The following MECOM variants were observed in gnomAD, a reference collection of about 807,000 sequenced individuals.
The protein encoded by MECOM is MDS1 and EVI1 complex locus.
A neutral mutation model predicts 116.3 loss-of-function variants in MECOM; 13 were observed. That is an observed-to-expected ratio of 0.11 (90% confidence interval 0.07 to 0.18). MECOM has a LOEUF of 0.18. Among genes scored for constraint, MECOM ranks in the 10% least tolerant of loss-of-function variants. The pLI is 1.00. For synonymous variants in MECOM, 528 were observed against 535.2 expected, an observed-to-expected ratio of 0.99 and a Z score of 0.19; for missense variants, 1,299 against 1,509.0, an observed-to-expected ratio of 0.86 and a Z score of 2.31.
At chr3:169,122,521 T>A in intron 6 of MECOM, 59 bp downstream of exon 6, 1 of 1,580,906 alleles carries the variant, frequency 6.3e-7, no homozygotes, top group Admixed American at 1.7e-5. Context: ...TAGCAAGTGA[T>A]GGATTAAGAG....
intron 2 of MECOM, among the ~76,000 whole-genome samples, chr3:169,151,736 A>C (rs1422041751): frequency 6.6e-6 from 1 of 152,226 alleles, no homozygotes; most frequent in East Asian, 1.9e-4. Context: ...TCCATGTCAG[A>C]ATAGGATTTT....
rs551669911 is a variant in MECOM at position 169,369,711 on chromosome 3, G to T, written c.375+11476C>A. Among the ~76,000 whole-genome samples, 63 of 151,892 alleles carry T rather than the reference G, an allele frequency of 4.1e-4. 1 individual carries two copies. The highest frequency in any genetic ancestry group is 1.4e-3 in the African/African-American group (60 of 41,468). ...TAATATTTCCTTGGGCACTAATGAC[G>T]TTCAAACTCAGGGTCCCATTAACTA... On this transcript the variant is annotated intron_variant, in intron 2 of 16. Transcript: ENST00000651503.
intron 1 of MECOM, among the ~76,000 whole-genome samples, chr3:169,588,730 C>T (rs1358320254): frequency 2.0e-5 from 3 of 152,090 alleles, no homozygotes; most frequent in South Asian, 2.1e-4. Flanking sequence ...ACACTTCGTA[C>T]GTTTTCCACA....
At chr3:169,460,383 C>A (rs1261888177) in intron 1 of MECOM, among the ~76,000 whole-genome samples, 5 of 151,958 alleles carry the variant, frequency 3.3e-5, no homozygotes, top group Non-Finnish European at 5.9e-5. Context: ...TCAGAACAGA[C>A]CTATTTTTTG....
chr3:169,093,592 G>C (rs977381447), intron 13 of MECOM, among the ~76,000 whole-genome samples: 5 of 152,130 alleles, frequency 3.3e-5, no homozygotes, highest in African/African-American at 1.2e-4. Context: ...CTGGTTTGCT[G>C]GGCGAAGCTG....
rs1161056260 is a variant in MECOM at position 169,594,168 on chromosome 3, A to AC, written c.37+69167_37+69168insG. 2.8e-5 allele frequency among the ~76,000 whole-genome samples: 4 copies of AC among 144,636 alleles called. 1 individual carries two copies. The highest frequency in any genetic ancestry group is 3.9e-4 in the East Asian group (2 of 5,080). The allele number at this position is 144,636 out of a possible 152,430, so 94.9% of individuals were successfully genotyped here. ...CACCACCACCACAAAAAAAAAAAAA[A>AC]AAAAAAAACACCTTTTCACCTAAGT... On this transcript the variant is annotated intron_variant, in intron 1 of 16. Transcript: ENST00000651503.
At chr3:169,297,221 C>G (rs1482787423) in intron 2 of MECOM, among the ~76,000 whole-genome samples, 1 of 152,162 alleles carries the variant, frequency 6.6e-6, no homozygotes, top group African/African-American at 2.4e-5. Flanking sequence ...TACACTGATA[C>G]AAATTAATTA....
intron 2 of MECOM, among the ~76,000 whole-genome samples, chr3:169,357,345 C>A (rs1218734926): frequency 6.6e-6 from 1 of 151,758 alleles, no homozygotes; most frequent in African/African-American, 2.4e-5. Context: ...ATCCTCAGAG[C>A]TAGAGAGAAT....
chr3:169,259,037 G>T (rs1757212224), intron 2 of MECOM, among the ~76,000 whole-genome samples: 1 of 152,138 alleles, frequency 6.6e-6, no homozygotes, highest in South Asian at 2.1e-4. Context: ...ACTCTATCAT[G>T]AATATGTAGT....
At chr3:169,175,795 C>G (rs1275948357) in intron 2 of MECOM, among the ~76,000 whole-genome samples, 1 of 152,142 alleles carries the variant, frequency 6.6e-6, no homozygotes, top group Non-Finnish European at 1.5e-5. Context: ...TAATAATTCC[C>G]TCTATGCTTT....
At chr3:169,147,713 G>A (rs1321089782) in intron 2 of MECOM, 26 of 964,624 alleles carry the variant, frequency 2.7e-5, no homozygotes, top group Admixed American at 6.6e-5. Context: ...AAGCACAAGT[G>A]TGGTGTGTGT....
chr3:169,141,312 A>C (rs945537746), intron 3 of MECOM, among the ~76,000 whole-genome samples: 1 of 152,036 alleles, frequency 6.6e-6, no homozygotes, highest in African/African-American at 2.4e-5. Flanking sequence ...ACTTTTTATA[A>C]TTTCTTGTAG....
chr3:169,127,949 A>G lies in MECOM; in HGVS notation c.725T>C (p.Val242Ala), dbSNP rs1423935704. Residue 242 changes from valine (V) to alanine (A), a missense_variant, in exon 5 of 17, where the codon GTT becomes GCT. Around this residue, in one of 6 missense-constraint regions of MECOM, gnomAD observed 374 missense variants for 433.4 expected, o/e 0.86. Transcript: ENST00000651503. ...CSTPHSAFSMVEEDFQQKLES... is the reference protein window; with the variant it reads ...CSTPHSAFSMAEEDFQQKLES... Reference sequence around the variant, plus strand: ...GAGTTTTTGCTGAAAGTCCTCTTCAACCATTGAAAATGCTGAGTGAGGAGT... The same window carrying G: ...GAGTTTTTGCTGAAAGTCCTCTTCAGCCATTGAAAATGCTGAGTGAGGAGT... 9 of 1,613,962 alleles carry G rather than the reference A, an allele frequency of 5.6e-6. No homozygotes were observed. The highest frequency in any genetic ancestry group is 5.0e-5 in the Admixed American group (3 of 59,992).
chr3:169,638,632 A>G lies in MECOM; in HGVS notation c.37+24704T>C, dbSNP rs562618468. Among the ~76,000 whole-genome samples, 3 of 152,324 alleles carry G rather than the reference A, an allele frequency of 2.0e-5. No individual in the cohort carries two copies. In the South Asian group the frequency reaches 6.2e-4, roughly 32 times the overall value. ...CTAATAGGCAATGGAGGGCTCACAC[A>G]TCTGCTTCAGCACAAATCAAGGCCT... On this transcript the variant is annotated intron_variant, in intron 1 of 16. Coordinates refer to ENST00000651503, the MANE Select transcript of MECOM (RefSeq NM_004991.4).
chr3:169,496,722 T>A (rs1753861378), intron 1 of MECOM, among the ~76,000 whole-genome samples: 1 of 152,224 alleles, frequency 6.6e-6, no homozygotes, highest in Non-Finnish European at 1.5e-5. Context: ...CATTTCCACG[T>A]CTTAGTTCAT....
At chr3:169,588,537 C>T (rs1766024335) in intron 1 of MECOM, among the ~76,000 whole-genome samples, 1 of 152,168 alleles carries the variant, frequency 6.6e-6, no homozygotes, top group Admixed American at 6.5e-5. Context: ...AAATAAAGTA[C>T]ATTCCTCATT....
intron 2 of MECOM, among the ~76,000 whole-genome samples, chr3:169,144,325 G>T (rs903145981): frequency 3.3e-5 from 5 of 151,816 alleles, no homozygotes; most frequent in Admixed American, 1.3e-4. Flanking sequence ...CTTAATTGAA[G>T]GAGATAATAA....
intron 1 of MECOM, among the ~76,000 whole-genome samples, chr3:169,506,035 A>G (rs1257199742): frequency 1.3e-4 from 20 of 152,208 alleles, no homozygotes; most frequent in Non-Finnish European, 2.2e-4. Context: ...TGTCCATTAT[A>G]TAATTGGAAT....
chr3:169,224,914 T>C (rs918358454), intron 2 of MECOM, among the ~76,000 whole-genome samples: 1 of 152,148 alleles, frequency 6.6e-6, no homozygotes, highest in Admixed American at 6.5e-5. Context: ...GATTAAACAT[T>C]AGGGGGCAAG....
Sources: allele counts gnomAD v4.1 joint callset (sites outside exome capture counted in the v4.1 genomes callset), GRCh38; gene constraint gnomAD v4.1.1; regional missense constraint gnomAD v4.1.1; transcripts MANE v1.5; gene names NCBI Gene and HGNC (gene_info 2026-07-23, HGNC 2026-07-21).